The following GABRR3 variants were observed in gnomAD, a reference collection of about 807,000 sequenced individuals.
The protein encoded by GABRR3 is gamma-aminobutyric acid type A receptor subunit rho3.
In GABRR3, 29 loss-of-function variants were observed where a neutral mutation model predicts 43.2. The observed-to-expected ratio is 0.67, with a 90% CI of 0.50 to 0.92. GABRR3 has a LOEUF of 0.92. GABRR3 is among the 40% of genes least tolerant of loss of function. GABRR3 has a pLI of 0.00. For missense variants in GABRR3, 576 were observed against 572.3 expected, an observed-to-expected ratio of 1.01 and a Z score of -0.07; for synonymous variants, 206 against 195.9, an observed-to-expected ratio of 1.05 and a Z score of -0.43.
chr3:98,008,848 A>ATATT (rs1706754873), intron 6 of GABRR3, 108 bp downstream of exon 6: 5 of 485,680 alleles, frequency 1.0e-5, no homozygotes, highest in African/African-American at 2.0e-5. Context: ...TTTTGGATAA[A>ATATT]TATATCAGTA....
At chr3:98,031,587 A>AAAT (rs1189055282) in intron 2 of GABRR3, among the ~76,000 whole-genome samples, 1 of 151,968 alleles carries the variant, frequency 6.6e-6, no homozygotes, top group Non-Finnish European at 1.5e-5. Context: ...TCTACCAAAA[A>AAAT]AATATAAAAG....
chr3:98,011,264 G>T (rs139194497), intron 5 of GABRR3, among the ~76,000 whole-genome samples: 3 of 152,332 alleles, frequency 2.0e-5, no homozygotes. Context: ...TACTGCTGCT[G>T]TAACAAATTA....
At chr3:97,991,847 TA>T (rs11411389) in intron 9 of GABRR3, among the ~76,000 whole-genome samples, 11 of 151,696 alleles carry the variant, frequency 7.3e-5, no homozygotes, top group African/African-American at 1.9e-4. Context: ...AATCCTCATG[TA>T]AAAAAAAACT....
intron 3 of GABRR3, 44 bp downstream of exon 3, chr3:98,025,523 A>T (rs1450867062): frequency 7.8e-7 from 1 of 1,274,106 alleles, no homozygotes; most frequent in Non-Finnish European, 1.1e-6. Flanking sequence ...CCATTTTGAC[A>T]GTGCAATGGG....
At chr3:98,024,366 CAAAAAAAAA>C (rs35090836) in intron 3 of GABRR3, among the ~76,000 whole-genome samples, 1 of 42,466 alleles carries the variant, frequency 2.4e-5, no homozygotes, top group African/African-American at 8.2e-5. Context: ...GACTCCGTCT[CAAAAAAAAA>C]AAAAAAAAAA....
chr3:98,034,761 G>T, intron 2 of GABRR3, 102 bp downstream of exon 2: 2 of 1,360,762 alleles, frequency 1.5e-6, no homozygotes, highest in Non-Finnish European at 2.1e-6. Context: ...TTACAAAGAT[G>T]TGCTACCATT....
At chr3:98,013,019 G>A (rs998895614) in intron 4 of GABRR3, among the ~76,000 whole-genome samples, 2 of 152,002 alleles carry the variant, frequency 1.3e-5, no homozygotes, top group Admixed American at 6.6e-5. Context: ...TTCCCAAATC[G>A]AATAAACTAC....
intron 2 of GABRR3, among the ~76,000 whole-genome samples, chr3:98,026,602 G>GTCATCATCATCA (rs367904103): frequency 9.8e-6 from 1 of 101,528 alleles, no homozygotes; most frequent in Non-Finnish European, 2.3e-5. Flanking sequence ...AAAGGTGGCT[G>GTCATCATCATCA]TCATCATCAT....
intron 3 of GABRR3, among the ~76,000 whole-genome samples, chr3:98,019,068 C>T (rs1020391556): frequency 2.0e-5 from 3 of 150,758 alleles, no homozygotes; most frequent in Non-Finnish European, 4.4e-5. Flanking sequence ...TGAGATGGCG[C>T]CCCTGCACTC....
chr3:97,996,287 G>A (rs1300387724), intron 8 of GABRR3, among the ~76,000 whole-genome samples: 1 of 152,148 alleles, frequency 6.6e-6, no homozygotes, highest in Non-Finnish European at 1.5e-5. Context: ...TACATGATAT[G>A]AAGGAAAGGA....
intron 3 of GABRR3, among the ~76,000 whole-genome samples, chr3:98,019,373 T>C (rs1423361876): frequency 6.6e-6 from 1 of 152,132 alleles, no homozygotes; most frequent in East Asian, 1.9e-4. Flanking sequence ...TTAACTGATG[T>C]CACCTTCACT....
At chr3:97,993,669 CACTT>C (rs1706501400) in intron 8 of GABRR3, among the ~76,000 whole-genome samples, 1 of 152,124 alleles carries the variant, frequency 6.6e-6, no homozygotes, top group African/African-American at 2.4e-5. Context: ...TCATTGTAAA[CACTT>C]ACTTAGCAAC....
intron 7 of GABRR3, among the ~76,000 whole-genome samples, chr3:98,006,450 T>C (rs529393440): frequency 1.3e-5 from 2 of 152,356 alleles, no homozygotes; most frequent in South Asian, 2.1e-4. Context: ...GATAAATAGC[T>C]GTTGTTCCTA....
intron 2 of GABRR3, among the ~76,000 whole-genome samples, chr3:98,031,632 A>G (rs190268930): frequency 2.0e-5 from 3 of 152,184 alleles, no homozygotes; most frequent in Admixed American, 1.3e-4. Flanking sequence ...TGTCCCAGCT[A>G]CTTGGGAGGT....
At chr3:98,020,649 T>C (rs832035) in intron 3 of GABRR3, among the ~76,000 whole-genome samples, 119,824 of 151,750 alleles carry the variant, frequency 0.79, 47,588 homozygotes, top group East Asian at 0.99. Context: ...TATGCCACTG[T>C]TGCCCAAGCA....
chr3:98,018,651 A>T (rs1706902195), intron 3 of GABRR3, among the ~76,000 whole-genome samples: 1 of 152,200 alleles, frequency 6.6e-6, no homozygotes, highest in African/African-American at 2.4e-5. Context: ...AAAATAATTT[A>T]TATATTTATA....
At chr3:97,988,938 TGGTGGTGGTGGTA>T (rs1706423919) in intron 9 of GABRR3, among the ~76,000 whole-genome samples, 1 of 133,998 alleles carries the variant, frequency 7.5e-6, no homozygotes, top group Non-Finnish European at 1.6e-5. Flanking sequence ...TGAGTGGGGA[TGGTGGTGGTGGTA>T]GGTGGTGGTG....
At chr3:98,017,523 C>G (rs1706886125) in intron 4 of GABRR3, 132 bp downstream of exon 4, 1 of 692,414 alleles carries the variant, frequency 1.4e-6, no homozygotes, top group African/African-American at 1.8e-5. Context: ...CAATCATGAC[C>G]CTATGATTAA....
At position 98,016,788 on chromosome 3, in the gene GABRR3, C is replaced by CA. The variant is rs544117917; in HGVS notation, c.306+866dup. Among the ~76,000 whole-genome samples the CA allele has an allele frequency of 3.0e-3, 451 of 151,856 alleles. 5 individuals are homozygous for CA. Among genetic ancestry groups the CA allele is most frequent in the African/African-American group, 0.01 (421 of 41,428 alleles). On this transcript the variant is annotated intron_variant, in intron 4 of 9. Coordinates refer to ENST00000621172, the Ensembl canonical transcript of GABRR3. ...GCAATGTTATTAACTATTCTTAGAG[C>CA]AAAAAAACTGAAAAACCTAAAATCA...
Sources: gnomAD v4.1 joint callset for allele counts (sites outside exome capture counted in the v4.1 genomes callset) on GRCh38, gnomAD v4.1.1 for gene constraint, MANE v1.5 for transcripts, NCBI Gene and HGNC (gene_info 2026-07-23, HGNC 2026-07-21) for gene names.